The following CNNM2 variants were observed in gnomAD, a reference collection of about 807,000 sequenced individuals.
CNNM2 encodes cyclin and CBS domain divalent metal cation transport mediator 2.
A neutral mutation model predicts 66.9 loss-of-function variants in CNNM2; 12 were observed. That is an observed-to-expected ratio of 0.18 (90% CI 0.11 to 0.29). CNNM2 has a LOEUF of 0.29. Among genes scored for constraint, CNNM2 ranks in the 10% least tolerant of loss-of-function variants. CNNM2 has a pLI of 1.00. For synonymous variants in CNNM2, 557 were observed against 501.8 expected, an observed-to-expected ratio of 1.11 and a Z score of -1.47; for missense variants, 705 against 1,167.7, an observed-to-expected ratio of 0.60 and a Z score of 5.77.
At position 103,089,530 on chromosome 10, in the gene CNNM2, T is replaced by TA. The variant is rs1161232638; in HGVS notation, c.*12354dup. 2.2e-6 allele frequency: 3 copies of TA among 1,394,182 alleles called. No individual in the cohort carries two copies. In the African/African-American group the frequency reaches 4.4e-5, roughly 20 times the overall value. The allele number at this position is 1,394,182 out of a possible 1,614,324, so 86.4% of individuals were successfully genotyped here. A position where few individuals can be genotyped will look rare whatever the true frequency, so the allele number is the denominator to read the frequency against. ...AAACCAAAACAAGTATCTATGATAA[T>TA]AAAATCTTCAGAAACTTTTCAGACG... is the stretch of plus-strand genomic sequence containing the variant. On this transcript the variant is annotated 3_prime_UTR_variant, in exon 8 of 8. Transcript: ENST00000369878.
chr10:102,997,878 C>T (rs1564838387), intron 1 of CNNM2, among the ~76,000 whole-genome samples: 1 of 152,158 alleles, frequency 6.6e-6, no homozygotes, highest in Non-Finnish European at 1.5e-5. Flanking sequence ...TCTGTAGCAA[C>T]TCTAAACATT....
intron 1 of CNNM2, among the ~76,000 whole-genome samples, chr10:102,963,754 C>G (rs184558700): frequency 3.3e-5 from 5 of 152,032 alleles, no homozygotes; most frequent in African/African-American, 1.2e-4. Context: ...TGCTAGATGC[C>G]GTGGGGCATA....
chr10:103,028,814 C>CTTTTTTTTTTTTTTTTTTTTTTT (rs67846722), intron 1 of CNNM2, among the ~76,000 whole-genome samples: 3 of 126,168 alleles, frequency 2.4e-5, no homozygotes, highest in Admixed American at 9.1e-5. Context: ...TTTTCTTTTT[C>CTTTTTTTTTTTTTTTTTTTTTTT]TTTTTTTTTT....
chr10:102,923,359 A>G (rs1051577200), intron 1 of CNNM2, among the ~76,000 whole-genome samples: 2 of 152,208 alleles, frequency 1.3e-5, no homozygotes, highest in Non-Finnish European at 2.9e-5. Context: ...TTAAATCTCA[A>G]ATGGCTGAAT....
intron 1 of CNNM2, among the ~76,000 whole-genome samples, chr10:102,967,606 G>A (rs1046729271): frequency 5.9e-5 from 9 of 152,208 alleles, no homozygotes; most frequent in African/African-American, 2.2e-4. Context: ...TAAGTTGTTT[G>A]TTCCTTTATG....
intron 1 of CNNM2, among the ~76,000 whole-genome samples, chr10:103,007,182 G>T (rs2064245796): frequency 6.6e-6 from 1 of 152,180 alleles, no homozygotes. Flanking sequence ...TTCAAAAGCA[G>T]GGAGGGCCTG....
rs773566146 is a variant in CNNM2 at position 103,013,584 on chromosome 10, G to T, written c.1622-36123G>T. Among the ~76,000 whole-genome samples the T allele has an allele frequency of 7.0e-4, 107 of 152,156 alleles. 4 individuals are homozygous for T. The highest frequency in any genetic ancestry group is 3.3e-4 in the Admixed American group (5 of 15,278). ...ACACCAAGAAGAAATGGGGTTTGAAGTAACAGCTCCCTTTATCCAAGCCGA... is the reference window on the plus strand; with the variant it reads ...ACACCAAGAAGAAATGGGGTTTGAATTAACAGCTCCCTTTATCCAAGCCGA... On this transcript the variant is annotated intron_variant, in intron 1 of 7. Transcript: ENST00000369878.
chr10:103,004,461 G>A (rs1190361356), intron 1 of CNNM2, among the ~76,000 whole-genome samples: 1 of 152,146 alleles, frequency 6.6e-6, no homozygotes, highest in Non-Finnish European at 1.5e-5. Flanking sequence ...CCAGGAAGTG[G>A]AATTGCTGGA....
Position 103,054,738 on chromosome 10 carries a change from A to T in CNNM2, c.1903+272A>T, listed in dbSNP as rs574136705. On this transcript the variant is annotated intron_variant, in intron 3 of 7. Transcript: ENST00000369878. The surrounding 1 kb of genome is among the most constrained non-coding windows in gnomAD (Gnocchi z 5.2). Reference sequence around the variant, plus strand: ...AAATTGGTCTGAAAGGTAAGGATGAATGTTAGTGCCACACTGCATGTGTAC... The same window carrying T: ...AAATTGGTCTGAAAGGTAAGGATGATTGTTAGTGCCACACTGCATGTGTAC... Among the ~76,000 whole-genome samples, 1 of 152,266 alleles carries T rather than the reference A, an allele frequency of 6.6e-6. No individual in the cohort carries two copies. Among genetic ancestry groups the T allele is most frequent in the South Asian group, 2.1e-4 (1 of 4,828 alleles).
In CNNM2 at chr10:103,083,424, T is replaced by C. The variant is rs2065775331; in HGVS notation, c.*6244T>C. ...TGTGTGTTCCCTCTTCCCTTTCATCTGTGCAACACCAACCATGCCATTGTA... is the reference window on the plus strand; with the variant it reads ...TGTGTGTTCCCTCTTCCCTTTCATCCGTGCAACACCAACCATGCCATTGTA... On this transcript the variant is annotated 3_prime_UTR_variant, in exon 8 of 8. Coordinates refer to ENST00000369878, the MANE Select transcript of CNNM2 (RefSeq NM_017649.5). The C allele has an allele frequency of 6.6e-6, 1 of 152,268 alleles. No homozygotes were observed. The allele number at this position is 152,268 out of a possible 1,614,324, so 9.4% of individuals were successfully genotyped here.
chr10:103,081,666 AGCAAGGCTGTGACAAGTAG>A lies in CNNM2; in HGVS notation c.*4489_*4507del, dbSNP rs572213964. 1.2e-4 allele frequency: 19 copies of A among 152,302 alleles called. No homozygotes were observed. The highest frequency in any genetic ancestry group is 4.3e-4 in the African/African-American group (18 of 41,548). The allele number at this position is 152,302 out of a possible 1,614,324, so 9.4% of individuals were successfully genotyped here. A position where few individuals can be genotyped will look rare whatever the true frequency, so the allele number is the denominator to read the frequency against. On this transcript the variant is annotated 3_prime_UTR_variant, in exon 8 of 8. Coordinates refer to ENST00000369878, the MANE Select transcript of CNNM2 (RefSeq NM_017649.5). ...CACCAATAGCTTGCTGCTGTTACTTAGCAAGGCTGTGACAAGTAGGCCTTCCTCCTCTAGCACTTGCAAG... is the reference window on the plus strand; with the variant it reads ...CACCAATAGCTTGCTGCTGTTACTTAGCCTTCCTCCTCTAGCACTTGCAAG...
chr10:103,089,882 G>A lies in CNNM2; in HGVS notation c.*12702G>A. 6.2e-7 allele frequency: 1 copy of A among 1,608,940 alleles called. No individual in the cohort carries two copies. On this transcript the variant is annotated 3_prime_UTR_variant, in exon 8 of 8. Transcript: ENST00000369878. ...CCATCTCATTGATATCTACGTGTGTGTGCTCCACCGTTGATTCATGAGGCA... is the reference window on the plus strand; with the variant it reads ...CCATCTCATTGATATCTACGTGTGTATGCTCCACCGTTGATTCATGAGGCA...
chr10:103,076,757 A>G (rs2065699018), intron 7 of CNNM2, among the ~76,000 whole-genome samples: 1 of 152,200 alleles, frequency 6.6e-6, no homozygotes, highest in African/African-American at 2.4e-5. Context: ...AGTCCCTAAA[A>G]TTTTGAGACA....
chr10:102,941,078 C>G (rs1590282102), intron 1 of CNNM2, among the ~76,000 whole-genome samples: 1 of 152,070 alleles, frequency 6.6e-6, no homozygotes, highest in Admixed American at 6.6e-5. Flanking sequence ...CCTAGAAATA[C>G]ATTTTAAATT....
intron 1 of CNNM2, among the ~76,000 whole-genome samples, chr10:103,008,634 C>G (rs2064273836): frequency 6.6e-6 from 1 of 151,972 alleles, no homozygotes; most frequent in African/African-American, 2.4e-5. Flanking sequence ...CAAAAATTAG[C>G]CGGGCGTGGT....
intron 1 of CNNM2, among the ~76,000 whole-genome samples, chr10:102,974,127 A>G (rs2063588910): frequency 6.6e-6 from 1 of 152,174 alleles, no homozygotes; most frequent in Admixed American, 6.5e-5. Context: ...TTGGCTTTGT[A>G]TTTGAAATTC....
At chr10:103,028,719 A>G (rs571509178) in intron 1 of CNNM2, among the ~76,000 whole-genome samples, 23 of 151,410 alleles carry the variant, frequency 1.5e-4, no homozygotes, top group Non-Finnish European at 3.1e-4. Context: ...AAAAAAGACA[A>G]TCTCCTCTTA....
At chr10:102,929,981 C>T (rs913691926) in intron 1 of CNNM2, among the ~76,000 whole-genome samples, 10 of 152,126 alleles carry the variant, frequency 6.6e-5, no homozygotes, top group African/African-American at 1.7e-4. Context: ...TTTTGGAAGG[C>T]AACTGGGTGT....
rs72850120 is a variant in CNNM2 at position 103,032,080 on chromosome 10, G to A, written c.1622-17627G>A. 0.049 allele frequency among the ~76,000 whole-genome samples: 7,499 copies of A among 152,252 alleles called. 187 individuals are homozygous for A. Among genetic ancestry groups the A allele is most frequent in the Non-Finnish European group, 0.057 (3,871 of 68,018 alleles). On this transcript the variant is annotated intron_variant, in intron 1 of 7. Coordinates refer to ENST00000369878, the MANE Select transcript of CNNM2 (RefSeq NM_017649.5). Reference sequence around the variant, plus strand: ...CTAGGGGGTTGGAAGTGGCTTTTTAGAGGTGTCCAACACTGTCAGAGGACC... The same window carrying A: ...CTAGGGGGTTGGAAGTGGCTTTTTAAAGGTGTCCAACACTGTCAGAGGACC...
Sources: gnomAD v4.1 joint callset for allele counts (sites outside exome capture counted in the v4.1 genomes callset) on GRCh38, gnomAD v4.1.1 for gene constraint, Gnocchi (gnomAD v3.1) non-coding constraint, MANE v1.5 for transcripts, NCBI Gene and HGNC (gene_info 2026-07-23, HGNC 2026-07-21) for gene names.